TDRP: variants seen among roughly 807,000 people sequenced by gnomAD.
TDRP encodes testis development-related protein.
A neutral mutation model predicts 10.5 loss-of-function variants in TDRP; 12 were observed. The ratio of observed to expected loss-of-function variants is 1.15; its 90% confidence interval spans 0.73 to 1.86. The LOEUF (loss-of-function observed/expected upper bound fraction) is 1.86, where lower values mean the gene tolerates loss of function less well. TDRP is among the 40% of genes most tolerant of loss of function. The pLI, the probability that TDRP is intolerant of heterozygous loss-of-function variation, is 0.00. For synonymous variants in TDRP, 139 were observed against 95.4 expected, an observed-to-expected ratio of 1.46 and a Z score of -2.67; for missense variants, 353 against 229.2, an observed-to-expected ratio of 1.54 and a Z score of -3.49.
At chr8:506,258 T>C (rs1197849506) in intron 1 of TDRP, among the ~76,000 whole-genome samples, 1 of 152,230 alleles carries the variant, frequency 6.6e-6, no homozygotes, top group Non-Finnish European at 1.5e-5. Flanking sequence ...ATGAAAATTC[T>C]TAAACATTTG....
chr8:529,312 C>A (rs1375769027), intron 1 of TDRP, among the ~76,000 whole-genome samples: 1 of 152,068 alleles, frequency 6.6e-6, no homozygotes, highest in African/African-American at 2.4e-5. Context: ...ATTAAAAAAC[C>A]AAATCGAGTA....
intron 1 of TDRP, among the ~76,000 whole-genome samples, chr8:510,305 C>A (rs553294402): frequency 8.5e-5 from 13 of 152,258 alleles, no homozygotes; most frequent in Non-Finnish European, 1.6e-4. Context: ...AACCACCCCC[C>A]ATCCCGAGGC....
chr8:502,643 A>G (rs1488736096), intron 1 of TDRP, among the ~76,000 whole-genome samples: 1 of 152,116 alleles, frequency 6.6e-6, no homozygotes, highest in Non-Finnish European at 1.5e-5. Flanking sequence ...ACTGGAACCA[A>G]TGCCCACCTC....
chr8:495,355 C>T (rs970985324), intron 1 of TDRP, among the ~76,000 whole-genome samples: 5 of 152,202 alleles, frequency 3.3e-5, no homozygotes, highest in Non-Finnish European at 7.3e-5. Context: ...TGTGCCACTA[C>T]CTTTAAGCGT....
chr8:511,532 A>G (rs1321908438), intron 1 of TDRP, among the ~76,000 whole-genome samples: 1 of 152,206 alleles, frequency 6.6e-6, no homozygotes, highest in Non-Finnish European at 1.5e-5. Flanking sequence ...AGATTTCACC[A>G]TGCCACTTTC....
Position 544,134 on chromosome 8 carries a change from T to G in TDRP, c.108+516A>C, listed in dbSNP as rs1037259131. ...AATACTTGTTATGCAAACAAACATTTAGCCCACTTAACATTGAGCTACGGT... is the reference window on the plus strand; with the variant it reads ...AATACTTGTTATGCAAACAAACATTGAGCCCACTTAACATTGAGCTACGGT... On this transcript the variant is annotated intron_variant, in intron 1 of 2. Coordinates refer to ENST00000324079, the MANE Select transcript of TDRP (RefSeq NM_001384899.1). 4.6e-5 allele frequency among the ~76,000 whole-genome samples: 7 copies of G among 152,168 alleles called. No individual in the cohort carries two copies. In the East Asian group the frequency reaches 1.3e-3, roughly 29 times the overall value.
chr8:520,960 T>C (rs774494958), intron 1 of TDRP, among the ~76,000 whole-genome samples: 13 of 152,154 alleles, frequency 8.5e-5, no homozygotes, highest in Non-Finnish European at 1.3e-4. Context: ...TTGTCTATTT[T>C]TGCTTTTTCC....
upstream of TDRP, chr8:544,866 G>T: frequency 1.3e-6 from 1 of 765,264 alleles, no homozygotes; most frequent in Non-Finnish European, 1.8e-6. Flanking sequence ...CGGGCCCAGT[G>T]GGCCGGGCGG....
intron 1 of TDRP, among the ~76,000 whole-genome samples, chr8:500,090 G>A (rs183778257): frequency 1.2e-3 from 185 of 152,246 alleles, no homozygotes; most frequent in Non-Finnish European, 2.3e-3. Flanking sequence ...AGACAGATGA[G>A]ATGTGCCGTA....
At position 543,072 on chromosome 8, in the gene TDRP, C is replaced by A. The variant is rs550102357; in HGVS notation, c.108+1578G>T. Among the ~76,000 whole-genome samples, 16 of 152,266 alleles carry A rather than the reference C, an allele frequency of 1.1e-4. No individual in the cohort carries two copies. In the East Asian group the frequency reaches 3.1e-3, roughly 29 times the overall value. On this transcript the variant is annotated intron_variant, in intron 1 of 2. Transcript: ENST00000324079. Reference sequence around the variant, plus strand: ...CCTGTGATCCTAGTACCTTGGGAGGCTGAGGCGGGCGGATCACGTGAGCCC... The same window carrying A: ...CCTGTGATCCTAGTACCTTGGGAGGATGAGGCGGGCGGATCACGTGAGCCC...
intron 1 of TDRP, among the ~76,000 whole-genome samples, chr8:528,817 GTATATGTGTGTA>G (rs1224392628): frequency 2.0e-5 from 3 of 151,736 alleles, no homozygotes; most frequent in Admixed American, 2.0e-4. Flanking sequence ...ATGTGTGTGT[GTATATGTGTGTA>G]TATATGTGTG....
rs772509268 is a variant in TDRP, at chr8:494,492, A to G, written c.212+2T>C. 6.2e-7 allele frequency: 1 copy of G among 1,613,132 alleles called. No homozygotes were observed. Among genetic ancestry groups the G allele is most frequent in the Non-Finnish European group, 8.5e-7 (1 of 1,179,234 alleles). On this transcript the variant is annotated splice_donor_variant, in intron 2 of 2. Coordinates refer to ENST00000324079, the MANE Select transcript of TDRP (RefSeq NM_001384899.1). LOFTEE classifies it high-confidence loss of function. ...TCATTTTCTTACACAGTTATGACTT[A>G]CCCTTTGGACTTGGGAGATTTACAT...
chr8:536,542 A>G (rs1048879165), intron 1 of TDRP, among the ~76,000 whole-genome samples: 7 of 152,228 alleles, frequency 4.6e-5, no homozygotes, highest in African/African-American at 1.7e-4. Flanking sequence ...TCTGAAGAAA[A>G]CTTGGCATAC....
chr8:491,532 T>C lies in TDRP; in HGVS notation c.*867A>G. 7.3e-7 allele frequency: 1 copy of C among 1,368,498 alleles called. No individual in the cohort carries two copies. Among genetic ancestry groups the C allele is most frequent in the Non-Finnish European group, 9.7e-7 (1 of 1,026,114 alleles). The allele number at this position is 1,368,498 out of a possible 1,614,324, so 84.8% of individuals were successfully genotyped here. ...ACCAATCACAATAGGCATCTCGCTT[T>C]GCAAGAACAAACATATGAGCCTAAT... On this transcript the variant is annotated 3_prime_UTR_variant, in exon 3 of 3. Transcript: ENST00000324079.
At chr8:499,249 T>C (rs529437627) in intron 1 of TDRP, among the ~76,000 whole-genome samples, 1 of 152,300 alleles carries the variant, frequency 6.6e-6, no homozygotes, top group East Asian at 1.9e-4. Context: ...TGTTTTGTTT[T>C]TGGAGGCAGG....
intron 1 of TDRP, among the ~76,000 whole-genome samples, chr8:499,084 G>C (rs941814706): frequency 2.6e-5 from 4 of 152,096 alleles, no homozygotes; most frequent in African/African-American, 9.7e-5. Context: ...ATTCCCCTAA[G>C]ATTCCATTTC....
chr8:503,646 G>T (rs1041750104), intron 1 of TDRP, among the ~76,000 whole-genome samples: 2 of 135,504 alleles, frequency 1.5e-5, no homozygotes, highest in Non-Finnish European at 3.1e-5. Context: ...CACACACACT[G>T]GAACCAATGC....
At chr8:493,993 G>GTTTTTTTT (rs68057437) in intron 2 of TDRP, among the ~76,000 whole-genome samples, 13 of 106,526 alleles carry the variant, frequency 1.2e-4, no homozygotes, top group African/African-American at 1.4e-4. Flanking sequence ...CATTTCTGTT[G>GTTTTTTTT]TTTTTTTTTT....
At chr8:502,198 A>G (rs1801323172) in intron 1 of TDRP, among the ~76,000 whole-genome samples, 1 of 152,258 alleles carries the variant, frequency 6.6e-6, no homozygotes, top group Admixed American at 6.5e-5. Flanking sequence ...GTCTTCTTTC[A>G]TCCCTTCTAA....
Sources: allele counts gnomAD v4.1 joint callset (sites outside exome capture counted in the v4.1 genomes callset), GRCh38; gene constraint gnomAD v4.1.1; transcripts MANE v1.5; gene names NCBI Gene and HGNC (gene_info 2026-07-23, HGNC 2026-07-21).